Variants in RTL10 observed in about 807,000 individuals in gnomAD.
RTL10 encodes protein Bop.
For missense variants in RTL10, 477 were observed against 470.7 expected, an observed-to-expected ratio of 1.01 and a Z score of -0.12; for synonymous variants, 199 against 188.4, an observed-to-expected ratio of 1.06 and a Z score of -0.46.
rs569278020 is a variant in RTL10, at chr22:19,851,207, G to A, written c.1055C>T (p.Pro352Leu). Residue 352 changes from proline (P) to leucine (L), a missense_variant, in exon 3 of 3, where the codon CCG becomes CTG. By Grantham distance (98) the Pro-to-Leu change is moderately conservative. Transcript: ENST00000328554. Reference sequence around the variant, plus strand: ...AAGTGGTGGCTCTCCTGGGGTCTCCGGGGCCTCCACCACCTCCTGTGGGGT... The same window carrying A: ...AAGTGGTGGCTCTCCTGGGGTCTCCAGGGCCTCCACCACCTCCTGTGGGGT... ...LGTPQEVVEAPETPGEPPLSP... is the reference protein window; with the variant it reads ...LGTPQEVVEALETPGEPPLSP... 44 of 1,593,998 alleles carry A rather than the reference G, an allele frequency of 2.8e-5. No homozygotes were observed. The highest frequency in any genetic ancestry group is 8.0e-5 in the African/African-American group (6 of 74,592).
chr22:19,851,653 C>A lies in RTL10; in HGVS notation c.609G>T (p.Leu203=), dbSNP rs1201927482. ...CCACAGGCAGCTGAGGGGCCACTGG[C>A]AGCTGGCTGGAGGCCAGGGGCAGGG... The part of the protein sequence containing the change: ...TCPLPLASSQ[L]PVAPQLPVVR... The change falls in exon 3 of 3, where the codon CTG becomes CTT. Residue 203 remains leucine (L), a synonymous_variant. Transcript: ENST00000328554. 1.3e-6 allele frequency: 2 copies of A among 1,594,278 alleles called. No homozygotes were observed. Among genetic ancestry groups the A allele is most frequent in the African/African-American group, 1.3e-5 (1 of 74,452 alleles).
rs1465391716 is a variant in RTL10, at chr22:19,847,803, GC to G, written c.*3363del. The G allele has an allele frequency of 3.2e-5, 14 of 440,398 alleles. No homozygotes were observed. Among genetic ancestry groups the G allele is most frequent in the African/African-American group, 3.0e-4 (7 of 23,374 alleles). 27.3% of individuals were successfully genotyped at this position (440,398 alleles called of 1,614,324 possible). ...AACTTTTAAAATCCTGGAATCATAG[GC>G]AAAAAAAAAAAAAAAAAAAAATTCA... On this transcript the variant is annotated 3_prime_UTR_variant, in exon 3 of 3. Transcript: ENST00000328554.
rs1038184974 is a variant in RTL10 at position 19,851,245 on chromosome 22, C to G, written c.1017G>C (p.Glu339Asp). Residue 339 changes from glutamate to aspartate, a missense_variant, in exon 3 of 3, where the codon GAG becomes GAC. Glu to Asp is a conservative substitution (Grantham distance 45). Transcript: ENST00000328554. ...EEVLETEGDQ[E>D]VSLGTPQEVV... is the part of the protein sequence containing the mutation. ...CCTCCTGTGGGGTACCTAAGGACAC[C>G]TCCTGGTCTCCCTCTGTCTCCAAAA... 1.9e-6 allele frequency: 3 copies of G among 1,605,118 alleles called. No individual in the cohort carries two copies. Among genetic ancestry groups the G allele is most frequent in the Non-Finnish European group, 2.6e-6 (3 of 1,175,526 alleles).
chr22:19,851,817 G>A lies in RTL10; in HGVS notation c.445C>T (p.Arg149Ter), dbSNP rs374166721. ...VCEILRRLTG[R>*]AQAWAAPYLD... ...TAGGGGGCTGCCCAGGCCTGGGCTC[G>A]GCCTGTTAGGCGCCTGAGGATCTCG... The change falls in exon 3 of 3, where the codon CGA (arginine) becomes TGA (stop). Residue 149 changes from arginine (R) to a stop codon, truncating the protein, a stop_gained. Transcript: ENST00000328554. LOFTEE classifies it low-confidence loss of function (END_TRUNC). 42 of 1,613,906 alleles carry A rather than the reference G, an allele frequency of 2.6e-5. No individual in the cohort carries two copies. Among genetic ancestry groups the A allele is most frequent in the Middle Eastern group, 1.6e-4 (1 of 6,084 alleles).
Position 19,848,186 on chromosome 22 carries a change from C to T in RTL10, c.*2981G>A, listed in dbSNP as rs75749250. ...GTACTTTAAATACCATCTCACAGCA[C>T]CCATCATGTCCTATCTTCAGGAAAT... On this transcript the variant is annotated 3_prime_UTR_variant, in exon 3 of 3. Coordinates refer to ENST00000328554, the MANE Select transcript of RTL10 (RefSeq NM_024627.6). 3.2e-3 allele frequency: 3,167 copies of T among 985,368 alleles called. 73 individuals carry two copies. The African/African-American group carries it at 0.052, about 16-fold the overall frequency. 61.0% of individuals were successfully genotyped at this position (985,368 alleles called of 1,614,324 possible).
rs1048396314 is a variant in RTL10, at chr22:19,848,294, G to T, written c.*2873C>A. On this transcript the variant is annotated 3_prime_UTR_variant, in exon 3 of 3. Coordinates refer to ENST00000328554, the MANE Select transcript of RTL10 (RefSeq NM_024627.6). The stretch of plus-strand genomic sequence containing the variant: ...AGCCAGCACCATGGCCCGTCCCTGA[G>T]CATGTCCAGCAAACCCTGCCAGGCT... The T allele has an allele frequency of 1.0e-6, 1 of 985,332 alleles. No individual in the cohort carries two copies. The highest frequency in any genetic ancestry group is 1.1e-4 in the East Asian group (1 of 8,830). 61.0% of individuals were successfully genotyped at this position (985,332 alleles called of 1,614,324 possible).
rs1421267769 is a variant in RTL10 at position 19,847,027 on chromosome 22, C to T, written c.*4140G>A. On this transcript the variant is annotated 3_prime_UTR_variant, in exon 3 of 3. Coordinates refer to ENST00000328554, the MANE Select transcript of RTL10 (RefSeq NM_024627.6). ...TTGTACTTCTCCATACTGAGCACCC[C>T]AGCCCATAGGATGATCAGCTGCTGC... The T allele has an allele frequency of 2.0e-6, 2 of 985,366 alleles. No homozygotes were observed. The highest frequency in any genetic ancestry group is 1.7e-5 in the African/African-American group (1 of 57,250). 61.0% of individuals were successfully genotyped at this position (985,366 alleles called of 1,614,324 possible).
In RTL10 at chr22:19,848,452, T is replaced by C. The variant is rs1437762384; in HGVS notation, c.*2715A>G. 3.0e-6 allele frequency: 3 copies of C among 985,370 alleles called. No individual in the cohort carries two copies. Among genetic ancestry groups the C allele is most frequent in the African/African-American group, 3.5e-5 (2 of 57,240 alleles). The allele number at this position is 985,370 out of a possible 1,614,324, so 61.0% of individuals were successfully genotyped here. A position where few individuals can be genotyped will look rare whatever the true frequency, so the allele number is the denominator to read the frequency against. ...TCATCATCTGTCTGAAAGCAGGTGC[T>C]GCAGCAGCTGGCAACAAAGCCACTC... On this transcript the variant is annotated 3_prime_UTR_variant, in exon 3 of 3. Transcript: ENST00000328554.
Position 19,848,164 on chromosome 22 carries a change from C to A in RTL10, c.*3003G>T. 1.0e-6 allele frequency: 1 copy of A among 985,372 alleles called. No individual in the cohort carries two copies. Among genetic ancestry groups the A allele is most frequent in the South Asian group, 4.7e-5 (1 of 21,288 alleles). The allele number at this position is 985,372 out of a possible 1,614,324, so 61.0% of individuals were successfully genotyped here. A position where few individuals can be genotyped will look rare whatever the true frequency, so the allele number is the denominator to read the frequency against. On this transcript the variant is annotated 3_prime_UTR_variant, in exon 3 of 3. Coordinates refer to ENST00000328554, the MANE Select transcript of RTL10 (RefSeq NM_024627.6). ...TTAAAGTTTTCCTTGCAGACAGGTA[C>A]TTTAAATACCATCTCACAGCACCCA...
At position 19,847,274 on chromosome 22, in the gene RTL10, C is replaced by A. The variant is rs569239998; in HGVS notation, c.*3893G>T. The stretch of plus-strand genomic sequence containing the variant: ...TAAGCAGTGCCAACTGTAGCCGCTG[C>A]GCTGTTGGAGATCTTTGTTACTGCA... On this transcript the variant is annotated 3_prime_UTR_variant, in exon 3 of 3. Coordinates refer to ENST00000328554, the MANE Select transcript of RTL10 (RefSeq NM_024627.6). 25 of 984,442 alleles carry A rather than the reference C, an allele frequency of 2.5e-5. No individual in the cohort carries two copies. Among genetic ancestry groups the A allele is most frequent in the African/African-American group, 5.2e-5 (3 of 57,240 alleles). 61.0% of individuals were successfully genotyped at this position (984,442 alleles called of 1,614,324 possible).
At position 19,849,806 on chromosome 22, in the gene RTL10, G is replaced by C; in HGVS notation, c.*1361C>G. On this transcript the variant is annotated 3_prime_UTR_variant, in exon 3 of 3. Transcript: ENST00000328554. ...TTGTTGTTTTCACAATTGTAAACCT[G>C]AAAGGGACTTGAACTTCTTGTCCAA... is the stretch of plus-strand genomic sequence containing the variant. The C allele has an allele frequency of 1.0e-6, 1 of 985,430 alleles. No individual in the cohort carries two copies. Among genetic ancestry groups the C allele is most frequent in the South Asian group, 4.7e-5 (1 of 21,284 alleles). 61.0% of individuals were successfully genotyped at this position (985,430 alleles called of 1,614,324 possible). A position where few individuals can be genotyped will look rare whatever the true frequency, so the allele number is the denominator to read the frequency against.
In RTL10 at chr22:19,847,672, T is replaced by C. The variant is rs1042101182; in HGVS notation, c.*3495A>G. ...ATGCACCTAGCAAGTAGTCACAGCA[T>C]GCATGTGCCTAGAATTGTTACGTGG... On this transcript the variant is annotated 3_prime_UTR_variant, in exon 3 of 3. Coordinates refer to ENST00000328554, the MANE Select transcript of RTL10 (RefSeq NM_024627.6). 9 of 984,536 alleles carry C rather than the reference T, an allele frequency of 9.1e-6. No individual in the cohort carries two copies. Among genetic ancestry groups the C allele is most frequent in the Admixed American group, 6.2e-5 (1 of 16,260 alleles). 61.0% of individuals were successfully genotyped at this position (984,536 alleles called of 1,614,324 possible).
intron 2 of RTL10, among the ~76,000 whole-genome samples, chr22:19,854,029 C>A (rs1938175571): frequency 6.6e-6 from 1 of 152,220 alleles, no homozygotes; most frequent in African/African-American, 2.4e-5. Context: ...TGGGAGAAGG[C>A]TTCCCTGCAC....
Position 19,849,789 on chromosome 22 carries a change from T to C in RTL10, c.*1378A>G. On this transcript the variant is annotated 3_prime_UTR_variant, in exon 3 of 3. Coordinates refer to ENST00000328554, the MANE Select transcript of RTL10 (RefSeq NM_024627.6). ...TCCAGGAAGGTGTTGTTTTGTTGTTTTCACAATTGTAAACCTGAAAGGGAC... is the reference window on the plus strand; with the variant it reads ...TCCAGGAAGGTGTTGTTTTGTTGTTCTCACAATTGTAAACCTGAAAGGGAC... The C allele has an allele frequency of 1.0e-6, 1 of 985,478 alleles. No individual in the cohort carries two copies. The highest frequency in any genetic ancestry group is 1.2e-6 in the Non-Finnish European group (1 of 829,940). 61.0% of individuals were successfully genotyped at this position (985,478 alleles called of 1,614,324 possible). A position where few individuals can be genotyped will look rare whatever the true frequency, so the allele number is the denominator to read the frequency against.
At position 19,850,541 on chromosome 22, in the gene RTL10, C is replaced by T; in HGVS notation, c.*626G>A. The T allele has an allele frequency of 9.1e-7, 1 of 1,093,184 alleles. No individual in the cohort carries two copies. Among genetic ancestry groups the T allele is most frequent in the Non-Finnish European group, 1.1e-6 (1 of 899,582 alleles). 67.7% of individuals were successfully genotyped at this position (1,093,184 alleles called of 1,614,324 possible). On this transcript the variant is annotated 3_prime_UTR_variant, in exon 3 of 3. Coordinates refer to ENST00000328554, the MANE Select transcript of RTL10 (RefSeq NM_024627.6). ...AAGGGGCTTGCATCCCACCTTCCTG[C>T]ATCCAAACCTTCCAGCTGCCCAGAA... is the stretch of plus-strand genomic sequence containing the variant.
chr22:19,853,719 G>A (rs897325210), intron 2 of RTL10, among the ~76,000 whole-genome samples: 4 of 133,504 alleles, frequency 3.0e-5, no homozygotes, highest in South Asian at 2.3e-4. Flanking sequence ...ACCCCCCTCT[G>A]GGGGGGGGGT....
At position 19,846,523 on chromosome 22, in the gene RTL10, G is replaced by A. The variant is rs1315962540; in HGVS notation, c.*4644C>T. 2.0e-6 allele frequency: 2 copies of A among 985,462 alleles called. No homozygotes were observed. Among genetic ancestry groups the A allele is most frequent in the Non-Finnish European group, 1.2e-6 (1 of 829,954 alleles). The allele number at this position is 985,462 out of a possible 1,614,324, so 61.0% of individuals were successfully genotyped here. The stretch of plus-strand genomic sequence containing the variant: ...ACCACAGAAGCCTGCCCAATATAGC[G>A]CTGCCAGGAACAGCAAAGACAAAAC... On this transcript the variant is annotated 3_prime_UTR_variant, in exon 3 of 3. Transcript: ENST00000328554.
At position 19,848,608 on chromosome 22, in the gene RTL10, C is replaced by A. The variant is rs918518502; in HGVS notation, c.*2559G>T. 236 of 985,368 alleles carry A rather than the reference C, an allele frequency of 2.4e-4. No individual in the cohort carries two copies. The highest frequency in any genetic ancestry group is 2.7e-4 in the Non-Finnish European group (224 of 829,980). 61.0% of individuals were successfully genotyped at this position (985,368 alleles called of 1,614,324 possible). A position where few individuals can be genotyped will look rare whatever the true frequency, so the allele number is the denominator to read the frequency against. On this transcript the variant is annotated 3_prime_UTR_variant, in exon 3 of 3. Transcript: ENST00000328554. ...ACCTTCCTTTCTGGGCAGAGCCCAACCACAATAAACAGGACGCGTTTTAAT... is the reference window on the plus strand; with the variant it reads ...ACCTTCCTTTCTGGGCAGAGCCCAAACACAATAAACAGGACGCGTTTTAAT...
At position 19,849,329 on chromosome 22, in the gene RTL10, C is replaced by A; in HGVS notation, c.*1838G>T. 1 of 970,524 alleles carries A rather than the reference C, an allele frequency of 1.0e-6. No individual in the cohort carries two copies. Among genetic ancestry groups the A allele is most frequent in the South Asian group, 4.8e-5 (1 of 20,914 alleles). The allele number at this position is 970,524 out of a possible 1,614,324, so 60.1% of individuals were successfully genotyped here. On this transcript the variant is annotated 3_prime_UTR_variant, in exon 3 of 3. Transcript: ENST00000328554. ...TAGTGATAGTTACCATAAAATAATC[C>A]CAACAATTTATATTTTTCTAAATAA... is the stretch of plus-strand genomic sequence containing the variant.
Sources: gnomAD v4.1 joint callset for allele counts (sites outside exome capture counted in the v4.1 genomes callset) on GRCh38, gnomAD v4.1.1 for gene constraint, MANE v1.5 for transcripts, NCBI Gene and HGNC (gene_info 2026-07-23, HGNC 2026-07-21) for gene names.